The following PRIM2 variants were observed in gnomAD, a reference collection of about 807,000 sequenced individuals.
The protein encoded by PRIM2 is DNA primase large subunit.
Under a neutral mutation model 67.3 loss-of-function variants are expected in PRIM2, and 39 were observed. The ratio of observed to expected loss-of-function variants is 0.58; its 90% CI spans 0.45 to 0.76. The LOEUF (loss-of-function observed/expected upper bound fraction) is 0.76. Ranked by LOEUF, PRIM2 falls within the 30% of genes least tolerant of loss-of-function variation. The probability of loss-of-function intolerance (pLI) is 0.00; values close to 1 mark genes in which losing one functional copy is unlikely to be tolerated. For missense variants in PRIM2, 398 were observed against 598.7 expected (o/e 0.66, Z 3.50); for synonymous variants, 143 against 198.7 (o/e 0.72, Z 2.36).
chr6:57,373,204 T>A (rs1024560627), intron 5 of PRIM2, among the ~76,000 whole-genome samples: 1 of 152,014 alleles, frequency 6.6e-6, no homozygotes, highest in African/African-American at 2.4e-5. Flanking sequence ...TGCATTTGTC[T>A]AATGATCACT....
chr6:57,563,329 G>A (rs1417020914), intron 10 of PRIM2, among the ~76,000 whole-genome samples: 4 of 150,556 alleles, frequency 2.7e-5, no homozygotes, highest in South Asian at 2.1e-4. Context: ...TCAGGATTTG[G>A]AACATGCTTC....
intron 7 of PRIM2, among the ~76,000 whole-genome samples, chr6:57,460,108 G>A (rs1221938897): frequency 2.8e-4 from 42 of 151,914 alleles, no homozygotes; most frequent in African/African-American, 9.4e-4. Flanking sequence ...GAGCATATAA[G>A]CCAGTGCAAA....
At chr6:57,574,478 T>C (rs1775927067) in intron 10 of PRIM2, among the ~76,000 whole-genome samples, 1 of 152,258 alleles carries the variant, frequency 6.6e-6, no homozygotes, top group Non-Finnish European at 1.5e-5. Flanking sequence ...CAGAACCTTC[T>C]ACCCGGTAAC....
chr6:57,620,879 T>C (rs1776840685), intron 12 of PRIM2, among the ~76,000 whole-genome samples: 1 of 152,266 alleles, frequency 6.6e-6, no homozygotes, highest in Non-Finnish European at 1.5e-5. Context: ...AGTAAAGATG[T>C]GGAAAAAGGC....
intron 5 of PRIM2, among the ~76,000 whole-genome samples, chr6:57,337,210 CA>C (rs1384513261): frequency 6.6e-6 from 1 of 151,556 alleles, no homozygotes; most frequent in Non-Finnish European, 1.5e-5. Context: ...ATTCATAAAG[CA>C]AGTCCTGAGT....
intron 10 of PRIM2, among the ~76,000 whole-genome samples, chr6:57,560,988 G>A (rs1403205329): frequency 6.6e-5 from 10 of 152,216 alleles, no homozygotes; most frequent in African/African-American, 1.9e-4. Flanking sequence ...TTGAACCCAG[G>A]CATTGACTTC....
At chr6:57,379,416 C>G (rs1310469487) in intron 5 of PRIM2, among the ~76,000 whole-genome samples, 2 of 150,638 alleles carry the variant, frequency 1.3e-5, no homozygotes, top group African/African-American at 4.9e-5. Context: ...CATAATCAGT[C>G]TGAGATAATA....
At chr6:57,542,228 G>A (rs1455600002) in intron 10 of PRIM2, among the ~76,000 whole-genome samples, 1 of 152,118 alleles carries the variant, frequency 6.6e-6, no homozygotes, top group Admixed American at 6.5e-5. Context: ...CACCCGCCTT[G>A]GCCTGCCAAA....
At position 57,381,304 on chromosome 6, in the gene PRIM2, T is replaced by C. The variant is rs62418051; in HGVS notation, c.556-727T>C. The stretch of plus-strand genomic sequence containing the variant: ...AATTCTTCCTTAAAACTTGAATGAA[T>C]AGGCAATTTGGGAATCATTTTTCAC... On this transcript the variant is annotated intron_variant, in intron 6 of 13. Coordinates refer to ENST00000615550, the MANE Select transcript of PRIM2 (RefSeq NM_000947.5). 3.5e-3 allele frequency among the ~76,000 whole-genome samples: 529 copies of C among 152,282 alleles called. 3 individuals carry two copies. The highest frequency in any genetic ancestry group is 5.0e-3 in the Non-Finnish European group (340 of 68,016).
rs1582028429 is a variant in PRIM2 at position 57,629,633 on chromosome 6, C to T, written c.1231-2500C>T. Among the ~76,000 whole-genome samples, 4 of 152,084 alleles carry T rather than the reference C, an allele frequency of 2.6e-5. No individual in the cohort carries two copies. The East Asian group carries it at 7.7e-4, about 29-fold the overall frequency. On this transcript the variant is annotated intron_variant, in intron 12 of 13. Transcript: ENST00000615550. ...TCGCCACTGATATTGCCACCCTGGT[C>T]CATGGATCTACCATCTATTCCCTGA...
chr6:57,536,203 C>G (rs1252177075), intron 9 of PRIM2, among the ~76,000 whole-genome samples: 1 of 152,108 alleles, frequency 6.6e-6, no homozygotes, highest in Non-Finnish European at 1.5e-5. Context: ...CCTGCTCTTT[C>G]TTATAGATGA....
intron 7 of PRIM2, among the ~76,000 whole-genome samples, chr6:57,440,501 C>T (rs1772170676): frequency 6.6e-6 from 1 of 152,200 alleles, no homozygotes; most frequent in Non-Finnish European, 1.5e-5. Flanking sequence ...GGTTTAGGAT[C>T]ATATTCCTCT....
At chr6:57,589,334 T>C (rs1776245875) in intron 10 of PRIM2, among the ~76,000 whole-genome samples, 2 of 152,166 alleles carry the variant, frequency 1.3e-5, no homozygotes, top group Non-Finnish European at 1.5e-5. Flanking sequence ...TGGCAACAGG[T>C]ACTGGCTGAT....
intron 5 of PRIM2, among the ~76,000 whole-genome samples, chr6:57,352,202 T>G (rs1054671581): frequency 6.6e-6 from 1 of 152,218 alleles, no homozygotes; most frequent in Admixed American, 6.5e-5. Context: ...GTGATAAATA[T>G]GTAATTCACG....
At chr6:57,473,214 G>A (rs1773379083) in intron 7 of PRIM2, among the ~76,000 whole-genome samples, 2 of 152,292 alleles carry the variant, frequency 1.3e-5, no homozygotes, top group Admixed American at 1.3e-4. Flanking sequence ...AATGGGCTTT[G>A]CTGAAGCTGT....
chr6:57,301,147 C>T, the PRIM2 span, among the ~76,000 whole-genome samples: 1 of 152,134 alleles, frequency 6.6e-6, no homozygotes, highest in Non-Finnish European at 1.5e-5. Flanking sequence ...AGCTGAAACC[C>T]AGGTTGGCCC....
At chr6:57,638,848 C>T (rs1376405226) in intron 13 of PRIM2, among the ~76,000 whole-genome samples, 26 of 151,966 alleles carry the variant, frequency 1.7e-4, no homozygotes, top group Non-Finnish European at 3.5e-4. Context: ...ATTAGATCAA[C>T]GAGACAGAAA....
intron 12 of PRIM2, among the ~76,000 whole-genome samples, chr6:57,619,869 C>T (rs1327710138): frequency 1.3e-5 from 2 of 152,082 alleles, no homozygotes; most frequent in African/African-American, 4.8e-5. Context: ...AGGAAAACTT[C>T]CCCAGCCTTG....
chr6:57,508,502 T>C, intron 8 of PRIM2, among the ~76,000 whole-genome samples: 1 of 152,324 alleles, frequency 6.6e-6, no homozygotes, highest in Non-Finnish European at 1.5e-5. Context: ...TTAACCTTTA[T>C]TTGTATTTTA....
Sources: allele counts gnomAD v4.1 joint callset (sites outside exome capture counted in the v4.1 genomes callset), GRCh38; gene constraint gnomAD v4.1.1; transcripts MANE v1.5; gene names NCBI Gene and HGNC (gene_info 2026-07-23, HGNC 2026-07-21).